ETNPPL: variants seen among roughly 807,000 people sequenced by gnomAD.
ETNPPL encodes alanine--glyoxylate aminotransferase 2-like 1.
ETNPPL carries 30 observed loss-of-function variants against 55.5 expected under a neutral mutation model. The ratio of observed to expected loss-of-function variants is 0.54; its 90% CI spans 0.40 to 0.73. The LOEUF is 0.73. Among genes scored for constraint, ETNPPL ranks in the 30% least tolerant of loss-of-function variants. ETNPPL has a pLI of 0.00. For missense variants in ETNPPL, 528 were observed against 607.9 expected, an observed-to-expected ratio of 0.87 and a Z score of 1.38; for synonymous variants, 202 against 207.2, an observed-to-expected ratio of 0.98 and a Z score of 0.21.
At chr4:108,754,787 T>C in intron 4 of ETNPPL, 77 bp from the exon 5 acceptor site, 1 of 886,372 alleles carries the variant, frequency 1.1e-6, no homozygotes, top group Non-Finnish European at 1.8e-6. Context: ...AAAACCAGTG[T>C]TGCATTTCAT....
Position 108,749,328 on chromosome 4 carries a change from C to A in ETNPPL, c.837G>T (p.Pro279=). The A allele has an allele frequency of 6.2e-7, 1 of 1,614,072 alleles. No individual in the cohort carries two copies. The highest frequency in any genetic ancestry group is 8.5e-7 in the Non-Finnish European group (1 of 1,180,004). The change falls in exon 8 of 13, where the codon CCG becomes CCT. Residue 279 remains proline (P), a synonymous_variant. Coordinates refer to ENST00000296486, the MANE Select transcript of ETNPPL (RefSeq NM_031279.4). ...FVPDIVTMGK[P]MGNGHPVACV... ...ATGCCACCGGGTGGCCGTTGCCCATCGGTTTTCCCATTGTGACGATGTCTG... is the reference window on the plus strand; with the variant it reads ...ATGCCACCGGGTGGCCGTTGCCCATAGGTTTTCCCATTGTGACGATGTCTG...
chr4:108,748,812 G>A (rs1015735233), intron 8 of ETNPPL, among the ~76,000 whole-genome samples: 3 of 152,092 alleles, frequency 2.0e-5, no homozygotes, highest in South Asian at 2.1e-4. Flanking sequence ...ATTTAGCAGG[G>A]CAACCATCTA....
At chr4:108,752,870 T>C in intron 6 of ETNPPL, 25 bp downstream of exon 6, 1 of 1,270,294 alleles carries the variant, frequency 7.9e-7, no homozygotes, top group Non-Finnish European at 1.1e-6. Flanking sequence ...GATGTTGAGA[T>C]GTTTCCAAAG....
intron 9 of ETNPPL, among the ~76,000 whole-genome samples, chr4:108,747,186 TATATATATTATATATATATATA>T (rs1728616277): frequency 2.1e-4 from 2 of 9,610 alleles, no homozygotes; most frequent in Non-Finnish European, 2.9e-4. Flanking sequence ...ATATAATATA[TATATATATTATATATATATATA>T]ATATATATAT....
intron 4 of ETNPPL, 79 bp downstream of exon 4, chr4:108,756,339 G>A: frequency 1.1e-6 from 1 of 922,230 alleles, no homozygotes; most frequent in Non-Finnish European, 1.8e-6. Flanking sequence ...ATGCGTTCAT[G>A]GTATTAGTAT....
At chr4:108,750,429 G>C (rs1417899346) in intron 7 of ETNPPL, among the ~76,000 whole-genome samples, 8 of 151,314 alleles carry the variant, frequency 5.3e-5, no homozygotes, top group African/African-American at 1.9e-4. Context: ...GGTTGTCCTT[G>C]CTCCCCACCT....
chr4:108,746,601 T>G, intron 10 of ETNPPL, 72 bp from the exon 11 acceptor site: 1 of 1,537,658 alleles, frequency 6.5e-7, no homozygotes, highest in Non-Finnish European at 8.9e-7. Context: ...TATGTGAACA[T>G]AGAGCAGTTT....
chr4:108,742,778 G>C (rs1728282233), intron 12 of ETNPPL, among the ~76,000 whole-genome samples, 166 bp from the exon 13 acceptor site: 1 of 152,180 alleles, frequency 6.6e-6, no homozygotes, highest in African/African-American at 2.4e-5. Context: ...ATAGACATTT[G>C]AAATGTGATG....
At chr4:108,748,562 A>G (rs2125673824) in intron 8 of ETNPPL, among the ~76,000 whole-genome samples, 1 of 152,320 alleles carries the variant, frequency 6.6e-6, no homozygotes, top group Non-Finnish European at 1.5e-5. Flanking sequence ...TCAGATTTGA[A>G]TCTTACTTTT....
At chr4:108,753,603 TTGG>T (rs1460347195) in intron 5 of ETNPPL, among the ~76,000 whole-genome samples, 2 of 151,884 alleles carry the variant, frequency 1.3e-5, no homozygotes, top group African/African-American at 2.4e-5. Flanking sequence ...TTAGCAGGGC[TTGG>T]TGGTGTATGC....
intron 12 of ETNPPL, 141 bp downstream of exon 12, chr4:108,743,645 CAAA>C: frequency 1.5e-6 from 1 of 671,292 alleles, no homozygotes; most frequent in Non-Finnish European, 2.7e-6. Context: ...ATTGTGCACT[CAAA>C]ATTGCAACAA....
intron 5 of ETNPPL, among the ~76,000 whole-genome samples, 173 bp from the exon 6 acceptor site, chr4:108,753,184 A>G (rs1236341360): frequency 6.6e-6 from 1 of 152,174 alleles, no homozygotes; most frequent in Non-Finnish European, 1.5e-5. Context: ...AAGAACTGAC[A>G]TCTTTGAATT....
At chr4:108,747,239 TA>T (rs1240256352) in intron 9 of ETNPPL, among the ~76,000 whole-genome samples, 24 of 41,294 alleles carry the variant, frequency 5.8e-4, no homozygotes, top group Admixed American at 6.7e-4. Context: ...TATATATATA[TA>T]ATATATATAT....
chr4:108,746,492 G>T lies in ETNPPL; in HGVS notation c.1210C>A (p.Pro404Thr). Residue 404 changes from proline (P) to threonine (T), a missense_variant, in exon 11 of 13, where the codon CCT (proline) becomes ACT (threonine). Coordinates refer to ENST00000296486, the MANE Select transcript of ETNPPL (RefSeq NM_031279.4). ...TTTATTTTAAGTACATTTCTATGAG[G>T]TCCATCGGCACTGAGAAGCACTCGT... ...EKRVLLSADG[P>T]HRNVLKIKPP... The T allele has an allele frequency of 6.2e-7, 1 of 1,613,316 alleles. No homozygotes were observed. Among genetic ancestry groups the T allele is most frequent in the Non-Finnish European group, 8.5e-7 (1 of 1,179,882 alleles).
chr4:108,742,200 A>G lies in ETNPPL; in HGVS notation c.*284T>C, dbSNP rs1218892961. On this transcript the variant is annotated 3_prime_UTR_variant, in exon 13 of 13. Coordinates refer to ENST00000296486, the MANE Select transcript of ETNPPL (RefSeq NM_031279.4). ...TTGACACATTAAAACATGAGAGGTAAATCTGCCAATTTATTTTGAGTTTGC... is the reference window on the plus strand; with the variant it reads ...TTGACACATTAAAACATGAGAGGTAGATCTGCCAATTTATTTTGAGTTTGC... 4.0e-6 allele frequency: 1 copy of G among 247,700 alleles called. No homozygotes were observed. The highest frequency in any genetic ancestry group is 8.0e-6 in the Non-Finnish European group (1 of 125,242). The allele number at this position is 247,700 out of a possible 1,614,324, so 15.3% of individuals were successfully genotyped here.
intron 3 of ETNPPL, 103 bp downstream of exon 3, chr4:108,759,646 C>CT: frequency 8.2e-7 from 1 of 1,224,114 alleles, no homozygotes; most frequent in Admixed American, 2.2e-5. Flanking sequence ...ACTCAGCAAA[C>CT]CCTTTTGGAC....
chr4:108,751,565 T>C (rs1478208616), intron 6 of ETNPPL, among the ~76,000 whole-genome samples: 1 of 152,158 alleles, frequency 6.6e-6, no homozygotes, highest in Non-Finnish European at 1.5e-5. Context: ...GAACTACAGA[T>C]GAATCATTCT....
In ETNPPL at chr4:108,749,453, C is replaced by T. The variant is rs114129706; in HGVS notation, c.712G>A (p.Gly238Ser). 1,363 of 1,613,546 alleles carry T rather than the reference C, an allele frequency of 8.4e-4. 8 individuals are homozygous for T. The African/African-American group carries it at 0.016, about 19-fold the overall frequency. ...YFQKVAEYVH[G>S]AGGVFIADEV... ...TCAGCTATAAACACACCCCCTGCAC[C>T]GTGTACATATCTGAAAAGCAAAGCG... The change falls in exon 8 of 13, where the codon GGT becomes AGT. Residue 238 changes from glycine (G) to serine (S), a missense_variant. Gly to Ser is a moderately conservative substitution (Grantham distance 56). Coordinates refer to ENST00000296486, the MANE Select transcript of ETNPPL (RefSeq NM_031279.4).
At chr4:108,749,181 T>C in intron 8 of ETNPPL, 57 bp downstream of exon 8, 1 of 1,391,428 alleles carries the variant, frequency 7.2e-7, no homozygotes. Context: ...TGGCAAAAAA[T>C]ATAAGAACAT....
Sources: gnomAD v4.1 joint callset for allele counts (sites outside exome capture counted in the v4.1 genomes callset) on GRCh38, gnomAD v4.1.1 for gene constraint, MANE v1.5 for transcripts, NCBI Gene and HGNC (gene_info 2026-07-23, HGNC 2026-07-21) for gene names.